Variants in PCDHGA6 observed in about 807,000 individuals in gnomAD.
The protein encoded by PCDHGA6 is protocadherin gamma subfamily A, 6.
A neutral mutation model predicts 60.6 loss-of-function variants in PCDHGA6; 41 were observed. The ratio of observed to expected loss-of-function variants is 0.68; its 90% CI spans 0.53 to 0.88. PCDHGA6 has a LOEUF of 0.88. Ranked by LOEUF, PCDHGA6 falls within the 40% of genes least tolerant of loss-of-function variation. The probability of loss-of-function intolerance (pLI) is 0.00; values close to 1 mark genes in which losing one functional copy is unlikely to be tolerated. For synonymous variants in PCDHGA6, 594 were observed against 524.4 expected (o/e 1.13, Z -1.81); for missense variants, 1,312 against 1,203.0 (o/e 1.09, Z -1.34).
At chr5:141,405,410 T>C (rs1483035668) in intron 1 of PCDHGA6, 2 of 1,557,296 alleles carry the variant, frequency 1.3e-6, no homozygotes, top group Non-Finnish European at 1.8e-6. Context: ...TTCTTTTCTT[T>C]TTTTGTTTTT....
At chr5:141,403,895 T>G in intron 1 of PCDHGA6, 1 of 1,613,884 alleles carries the variant, frequency 6.2e-7, no homozygotes, top group Non-Finnish European at 8.5e-7. Context: ...ATGTTCATTT[T>G]ATGAAATGGA....
intron 1 of PCDHGA6, chr5:141,410,291 G>A: frequency 1.2e-6 from 2 of 1,613,948 alleles, no homozygotes; most frequent in Non-Finnish European, 1.7e-6. Flanking sequence ...GGTGGCCTTG[G>A]CCTTAATCTC....
At chr5:141,384,906 C>T (rs767972748) in intron 1 of PCDHGA6, 4 of 1,613,882 alleles carry the variant, frequency 2.5e-6, no homozygotes, top group Non-Finnish European at 3.4e-6. Flanking sequence ...ACAGCATCCC[C>T]GAAGTCTTGG....
Position 141,431,740 on chromosome 5 carries a change from T to C in PCDHGA6, c.2424+55233T>C. 6.2e-7 allele frequency: 1 copy of C among 1,614,230 alleles called. No individual in the cohort carries two copies. Among genetic ancestry groups the C allele is most frequent in the South Asian group, 1.1e-5 (1 of 91,088 alleles). On this transcript the variant is annotated intron_variant, in intron 1 of 3. Transcript: ENST00000517434. This position sits in a 1 kb window ranked among gnomAD's most constrained non-coding sequence, Gnocchi z 4.8. ...TGCAAGCAATGGATAATGCAGGATA[T>C]TCTGCGCGAGCCAAAGTCCTGATCA... is the stretch of plus-strand genomic sequence containing the variant.
rs575856599 is a variant in PCDHGA6 at position 141,399,712 on chromosome 5, C to T, written c.2424+23205C>T. ...GCTGCGCACCTTCGAACTCACACTA[C>T]AGGCCCGCGACCAGGGCTCGCCTGC... On this transcript the variant is annotated intron_variant, in intron 1 of 3. Transcript: ENST00000517434. The T allele has an allele frequency of 7.4e-6, 12 of 1,613,378 alleles. No individual in the cohort carries two copies. In the East Asian group the frequency reaches 2.2e-4, roughly 30 times the overall value.
intron 1 of PCDHGA6, among the ~76,000 whole-genome samples, chr5:141,494,447 G>C (rs1413012155): frequency 6.6e-6 from 1 of 152,118 alleles, no homozygotes. Context: ...GCCACTTTAG[G>C]GGGCTTTGTC....
intron 1 of PCDHGA6, among the ~76,000 whole-genome samples, chr5:141,446,961 GA>G (rs1466390366): frequency 2.0e-5 from 3 of 152,070 alleles, no homozygotes; most frequent in Admixed American, 1.3e-4. Context: ...AGCACCCAGG[GA>G]AATTTGCTGT....
intron 1 of PCDHGA6, among the ~76,000 whole-genome samples, chr5:141,468,797 C>T (rs191599825): frequency 0.01 from 1,525 of 151,876 alleles, 28 homozygotes; most frequent in African/African-American, 0.035. Flanking sequence ...ACCCGGGAGG[C>T]GGAACTTGCA....
At chr5:141,404,521 G>A in intron 1 of PCDHGA6, 2 of 1,613,976 alleles carry the variant, frequency 1.2e-6, no homozygotes, top group Non-Finnish European at 1.7e-6. Flanking sequence ...TTGACTATGA[G>A]CAGTTTAGAG....
intron 1 of PCDHGA6, chr5:141,393,238 T>A: frequency 1.2e-6 from 2 of 1,613,734 alleles, no homozygotes; most frequent in Non-Finnish European, 8.5e-7. Context: ...GAAGTAAAAA[T>A]TAACGAAATC....
intron 1 of PCDHGA6, among the ~76,000 whole-genome samples, chr5:141,439,104 A>G (rs924055175): frequency 6.6e-6 from 1 of 151,676 alleles, no homozygotes; most frequent in African/African-American, 2.4e-5. Flanking sequence ...GAGGCAAGAG[A>G]ATCACTTGAA....
chr5:141,436,781 A>C (rs1041532929), intron 1 of PCDHGA6, among the ~76,000 whole-genome samples: 1 of 152,236 alleles, frequency 6.6e-6, no homozygotes, highest in Admixed American at 6.5e-5. Flanking sequence ...TGTGGATGGA[A>C]ATAAAACTGT....
Position 141,375,174 on chromosome 5 carries a change from C to G in PCDHGA6, c.1091C>G (p.Thr364Arg), listed in dbSNP as rs765614006. Residue 364 changes from threonine to arginine, a missense_variant, in exon 1 of 4, where the codon ACA becomes AGA. Transcript: ENST00000517434. The stretch of plus-strand genomic sequence containing the variant: ...ATTGCTGAAAGTGCACCTCCAGGAA[C>G]AGTAATCGCCCTTTTTCAAGTGTTC... ...RTIAESAPPG[T>R]VIALFQVFDR... is the part of the protein sequence containing the mutation. 4.3e-6 allele frequency: 7 copies of G among 1,613,886 alleles called. No individual in the cohort carries two copies. The highest frequency in any genetic ancestry group is 4.5e-5 in the East Asian group (2 of 44,900).
chr5:141,375,524 G>C lies in PCDHGA6; in HGVS notation c.1441G>C (p.Val481Leu), dbSNP rs746416710. 1.2e-6 allele frequency: 2 copies of C among 1,613,868 alleles called. No homozygotes were observed. The highest frequency in any genetic ancestry group is 2.7e-5 in the African/African-American group (2 of 74,924). Residue 481 changes from valine to leucine, a missense_variant, in exon 1 of 4, where the codon GTG becomes CTG. Physicochemically the swap from Val to Leu is conservative, Grantham distance 32 (BLOSUM62 1). Coordinates refer to ENST00000517434, the MANE Select transcript of PCDHGA6 (RefSeq NM_018919.3). ...CTCTGTGAATGCACTGGACCCTGAC[G>C]TGGACCAGAACGCCCAAGTCTCCTA... ...IFSVNALDPD[V>L]DQNAQVSYSL...
intron 1 of PCDHGA6, chr5:141,393,751 C>A (rs1159377259): frequency 6.2e-7 from 1 of 1,613,846 alleles, no homozygotes; most frequent in Non-Finnish European, 8.5e-7. Flanking sequence ...GAAGAATGTT[C>A]ATTTTATGAA....
chr5:141,398,932 C>T (rs554339110), intron 1 of PCDHGA6: 1 of 1,613,900 alleles, frequency 6.2e-7, no homozygotes, highest in Non-Finnish European at 8.5e-7. Context: ...AGCCACTGAC[C>T]AAGACGAGGG....
At chr5:141,499,287 C>T (rs896428388) in intron 2 of PCDHGA6, among the ~76,000 whole-genome samples, 3 of 152,184 alleles carry the variant, frequency 2.0e-5, no homozygotes, top group Non-Finnish European at 2.9e-5. Context: ...CTGATGGCTC[C>T]ACACTACCAT....
chr5:141,463,975 C>T lies in PCDHGA6; in HGVS notation c.2425-30832C>T, dbSNP rs145316182. Among the ~76,000 whole-genome samples the T allele has an allele frequency of 1.3e-3, 204 of 151,992 alleles. 1 individual carries two copies. Among genetic ancestry groups the T allele is most frequent in the African/African-American group, 4.8e-3 (198 of 41,474 alleles). The stretch of plus-strand genomic sequence containing the variant: ...TTTTTAAAATAGCTTCATAAAACTC[C>T]ATTGTAAAAACCAGGTGCAGTGGCT... On this transcript the variant is annotated intron_variant, in intron 1 of 3. Transcript: ENST00000517434.
rs1409012917 is a variant in PCDHGA6 at position 141,512,928 on chromosome 5, T to A, written c.*1755T>A. On this transcript the variant is annotated 3_prime_UTR_variant, in exon 4 of 4. Transcript: ENST00000517434. ...CAAGTTTTATACTCTAATATTTATA[T>A]GGCTTTTTTTCTTCGACAAAAAAAT... is the stretch of plus-strand genomic sequence containing the variant. 1.3e-5 allele frequency: 2 copies of A among 152,190 alleles called. No individual in the cohort carries two copies. Among genetic ancestry groups the A allele is most frequent in the Non-Finnish European group, 2.9e-5 (2 of 68,044 alleles). The allele number at this position is 152,190 out of a possible 1,614,324, so 9.4% of individuals were successfully genotyped here.
Sources: allele counts gnomAD v4.1 joint callset (sites outside exome capture counted in the v4.1 genomes callset), GRCh38; gene constraint gnomAD v4.1.1; non-coding constraint Gnocchi (gnomAD v3.1); transcripts MANE v1.5; gene names NCBI Gene and HGNC (gene_info 2026-07-23, HGNC 2026-07-21).